SDCCAG8: variants seen among roughly 807,000 people sequenced by gnomAD.
The protein encoded by SDCCAG8 is serologically defined colon cancer antigen 8.
Under a neutral mutation model 101.8 loss-of-function variants are expected in SDCCAG8, and 74 were observed. The ratio of observed to expected loss-of-function variants is 0.73; its 90% CI spans 0.60 to 0.88. The LOEUF is 0.88. Ranked by LOEUF, SDCCAG8 falls within the 40% of genes least tolerant of loss-of-function variation. The pLI, the probability that SDCCAG8 is intolerant of heterozygous loss-of-function variation, is 0.00. For synonymous variants in SDCCAG8, 281 were observed against 292.9 expected (o/e 0.96, Z 0.41); for missense variants, 787 against 822.6 (o/e 0.96, Z 0.53).
At chr1:243,405,354 AC>A (rs1181062766) in intron 13 of SDCCAG8, among the ~76,000 whole-genome samples, 2 of 152,258 alleles carry the variant, frequency 1.3e-5, no homozygotes, top group Non-Finnish European at 2.9e-5. Context: ...AAATAAAAAA[AC>A]ATGGCAGCAA....
chr1:243,408,432 CAACT>C (rs1229616497), intron 13 of SDCCAG8, among the ~76,000 whole-genome samples: 1 of 152,116 alleles, frequency 6.6e-6, no homozygotes, highest in Non-Finnish European at 1.5e-5. Context: ...GAGAAGGACA[CAACT>C]AATTGATGGT....
intron 3 of SDCCAG8, among the ~76,000 whole-genome samples, chr1:243,273,920 A>G (rs1316324664): frequency 6.6e-6 from 1 of 152,226 alleles, no homozygotes; most frequent in African/African-American, 2.4e-5. Flanking sequence ...AAAAAAAATG[A>G]TATTCACATC....
Position 243,496,264 on chromosome 1 carries a change from C to T in SDCCAG8, c.2113-3492C>T, listed in dbSNP as rs960585378. 4.6e-5 allele frequency among the ~76,000 whole-genome samples: 7 copies of T among 152,294 alleles called. No individual in the cohort carries two copies. In the East Asian group the frequency reaches 9.7e-4, roughly 21 times the overall value. ...GTGTGGATGGGGGCAGGTACCCGAGCGGGTGCGGGCGGAGCCGGGCCTGGC... is the reference window on the plus strand; with the variant it reads ...GTGTGGATGGGGGCAGGTACCCGAGTGGGTGCGGGCGGAGCCGGGCCTGGC... On this transcript the variant is annotated intron_variant, in intron 17 of 17. Transcript: ENST00000366541.
chr1:243,492,141 CACA>C (rs1268710283), intron 17 of SDCCAG8, among the ~76,000 whole-genome samples: 1 of 151,828 alleles, frequency 6.6e-6, no homozygotes, highest in Non-Finnish European at 1.5e-5. Flanking sequence ...CTGAAACACT[CACA>C]ACAACATGGC....
chr1:243,256,380 T>G (rs1485752338), intron 1 of SDCCAG8, 140 bp downstream of exon 1: 6 of 711,950 alleles, frequency 8.4e-6, no homozygotes, highest in East Asian at 8.0e-5. Context: ...GCTGTGGTCT[T>G]GAGGAGGATG....
intron 12 of SDCCAG8, among the ~76,000 whole-genome samples, chr1:243,364,289 T>TA (rs995059963): frequency 2.0e-5 from 3 of 152,268 alleles, no homozygotes; most frequent in African/African-American, 7.2e-5. Flanking sequence ...ACAAGCAGAG[T>TA]AACAGCTTAA....
rs956599138 is a variant in SDCCAG8, at chr1:243,447,967, T to C, written c.1985+21409T>C. ...GGAGCTAAATAGTTTCTGCGTGGCT[T>C]TGTGATCATCTTTCACCCTTCCTGT... On this transcript the variant is annotated intron_variant, in intron 16 of 17. Transcript: ENST00000366541. Among the ~76,000 whole-genome samples, 4 of 152,156 alleles carry C rather than the reference T, an allele frequency of 2.6e-5. No individual in the cohort carries two copies. In the South Asian group the frequency reaches 8.3e-4, roughly 32 times the overall value.
chr1:243,381,097 C>T (rs1393339894), intron 13 of SDCCAG8, among the ~76,000 whole-genome samples: 3 of 151,970 alleles, frequency 2.0e-5, no homozygotes, highest in Non-Finnish European at 2.9e-5. Context: ...CACACAGTCT[C>T]AACTTAAACA....
rs1404831157 is a variant in SDCCAG8, at chr1:243,426,538, A to C, written c.1965A>C (p.Val655=). 2 of 1,614,042 alleles carry C rather than the reference A, an allele frequency of 1.2e-6. No homozygotes were observed. Among genetic ancestry groups the C allele is most frequent in the East Asian group, 4.5e-5 (2 of 44,838 alleles). ...LEEQCVQHGR[V]HETMKQRLRQ... is the part of the protein sequence containing the mutation. ...AACAGTGTGTCCAGCATGGGAGAGT[A>C]CATGAGACGATGAAGCAAAGGTAAT... The change falls in exon 16 of 18, where the codon GTA becomes GTC. Residue 655 remains valine (V), a synonymous_variant. Coordinates refer to ENST00000366541, the MANE Select transcript of SDCCAG8 (RefSeq NM_006642.5).
chr1:243,374,084 C>T (rs1043798506), intron 12 of SDCCAG8, among the ~76,000 whole-genome samples: 4 of 151,440 alleles, frequency 2.6e-5, no homozygotes, highest in Admixed American at 6.6e-5. Context: ...AAAAAGTGTC[C>T]GTAAAAACAA....
At chr1:243,403,969 A>G (rs890160121) in intron 13 of SDCCAG8, among the ~76,000 whole-genome samples, 3 of 152,212 alleles carry the variant, frequency 2.0e-5, no homozygotes, top group Admixed American at 2.0e-4. Flanking sequence ...ATTGATGCCA[A>G]AAAGGCTGGG....
chr1:243,417,165 C>T (rs115229033), intron 14 of SDCCAG8, among the ~76,000 whole-genome samples: 185 of 152,194 alleles, frequency 1.2e-3, no homozygotes, highest in Non-Finnish European at 2.1e-3. Context: ...CCAGAAGAAA[C>T]GAAAATTCAC....
chr1:243,430,815 TAGA>T (rs1446964735), intron 16 of SDCCAG8, among the ~76,000 whole-genome samples: 2 of 152,142 alleles, frequency 1.3e-5, no homozygotes, highest in Non-Finnish European at 2.9e-5. Flanking sequence ...TTTTAAAAAA[TAGA>T]GGAGATGTGA....
chr1:243,304,381 A>G (rs547045088), intron 6 of SDCCAG8, among the ~76,000 whole-genome samples: 2 of 152,348 alleles, frequency 1.3e-5, no homozygotes, highest in Non-Finnish European at 2.9e-5. Context: ...AACAGCCACA[A>G]TGAAGGATTC....
At chr1:243,372,330 A>G (rs1334111155) in intron 12 of SDCCAG8, among the ~76,000 whole-genome samples, 1 of 152,076 alleles carries the variant, frequency 6.6e-6, no homozygotes, top group African/African-American at 2.4e-5. Flanking sequence ...ATCTTCTGTT[A>G]CACAAACAAG....
intron 13 of SDCCAG8, among the ~76,000 whole-genome samples, chr1:243,411,138 G>C (rs1348628556): frequency 6.6e-6 from 1 of 151,922 alleles, no homozygotes; most frequent in Non-Finnish European, 1.5e-5. Context: ...TTTTGAGACA[G>C]GGTCTCACTC....
Position 243,306,083 on chromosome 1 carries a change from CTAA to C in SDCCAG8, c.740+1307_740+1309del, listed in dbSNP as rs2072082559. On this transcript the variant is annotated intron_variant, in intron 7 of 17. Coordinates refer to ENST00000366541, the MANE Select transcript of SDCCAG8 (RefSeq NM_006642.5). ...CCTGGGTGACAGAGGGAGACTCCAT[CTAA>C]AAAAAAAAAAAAAAAAAAAAACCGA... 1.0e-4 allele frequency: 5 copies of C among 49,734 alleles called. No individual in the cohort carries two copies. The South Asian group carries it at 3.3e-3, about 32-fold the overall frequency. 3.1% of individuals were successfully genotyped at this position (49,734 alleles called of 1,614,324 possible). A position where few individuals can be genotyped will look rare whatever the true frequency, so the allele number is the denominator to read the frequency against.
chr1:243,353,360 G>A (rs1482271476), intron 12 of SDCCAG8, among the ~76,000 whole-genome samples: 3 of 151,174 alleles, frequency 2.0e-5, no homozygotes, highest in African/African-American at 4.9e-5. Flanking sequence ...GTGTGGTGGC[G>A]CGCGCCTGTA....
At chr1:243,365,490 A>C (rs530589068) in intron 12 of SDCCAG8, among the ~76,000 whole-genome samples, 3 of 152,316 alleles carry the variant, frequency 2.0e-5, no homozygotes, top group African/African-American at 7.2e-5. Flanking sequence ...TCCCTTTAGC[A>C]ATCAGAATAT....
Sources: allele counts gnomAD v4.1 joint callset (sites outside exome capture counted in the v4.1 genomes callset), GRCh38; gene constraint gnomAD v4.1.1; transcripts MANE v1.5; gene names NCBI Gene and HGNC (gene_info 2026-07-23, HGNC 2026-07-21).